Variants in NRXN3 observed in about 807,000 individuals in gnomAD.
NRXN3 encodes neurexin III.
NRXN3 carries 32 observed loss-of-function variants against 137.6 expected under a neutral mutation model. The ratio of observed to expected loss-of-function variants is 0.23; its 90% CI spans 0.18 to 0.31. NRXN3 has a LOEUF of 0.31. Among genes scored for constraint, NRXN3 ranks in the 10% least tolerant of loss-of-function variants. The pLI, the probability that NRXN3 is intolerant of heterozygous loss-of-function variation, is 1.00. For synonymous variants in NRXN3, 798 were observed against 784.5 expected, an observed-to-expected ratio of 1.02 and a Z score of -0.29; for missense variants, 1,574 against 2,062.5, an observed-to-expected ratio of 0.76 and a Z score of 4.59.
intron 19 of NRXN3, among the ~76,000 whole-genome samples, chr14:79,804,028 T>C (rs961818649): frequency 6.6e-6 from 1 of 150,904 alleles, no homozygotes; most frequent in Non-Finnish European, 1.5e-5. Flanking sequence ...TAGGACAGCA[T>C]CTGGCTTGTA....
intron 4 of NRXN3, among the ~76,000 whole-genome samples, chr14:78,459,741 G>A (rs142815566): frequency 5.3e-5 from 8 of 152,230 alleles, no homozygotes; most frequent in Non-Finnish European, 1.0e-4. Context: ...TCACTTTCTC[G>A]TACTATATAT....
chr14:78,967,651 G>A (rs190936704), intron 13 of NRXN3, among the ~76,000 whole-genome samples: 131 of 152,238 alleles, frequency 8.6e-4, no homozygotes, highest in Non-Finnish European at 1.4e-3. Flanking sequence ...GACAGGATGA[G>A]TGTCAAAGTG....
intron 19 of NRXN3, among the ~76,000 whole-genome samples, chr14:79,778,368 A>C (rs1322878539): frequency 6.6e-6 from 1 of 152,194 alleles, no homozygotes; most frequent in Non-Finnish European, 1.5e-5. Flanking sequence ...GTGAGCTGAG[A>C]TCATGCCACT....
At chr14:79,240,120 T>A (rs1048890990) in intron 15 of NRXN3, among the ~76,000 whole-genome samples, 2 of 152,184 alleles carry the variant, frequency 1.3e-5, no homozygotes, top group African/African-American at 4.8e-5. Flanking sequence ...AATCATTCTA[T>A]ACTGTACAGA....
At chr14:79,589,288 T>C (rs771596381) in intron 16 of NRXN3, among the ~76,000 whole-genome samples, 14 of 152,072 alleles carry the variant, frequency 9.2e-5, no homozygotes, top group Non-Finnish European at 1.8e-4. Flanking sequence ...TAAATCATTA[T>C]TGACTAGAGC....
chr14:79,001,737 G>C (rs1194331167), intron 15 of NRXN3, among the ~76,000 whole-genome samples: 1 of 152,222 alleles, frequency 6.6e-6, no homozygotes, highest in Non-Finnish European at 1.5e-5. Flanking sequence ...GGACCTGAGA[G>C]TAAAAGGTCA....
chr14:79,571,838 G>A (rs182390001), intron 16 of NRXN3, among the ~76,000 whole-genome samples: 9 of 152,206 alleles, frequency 5.9e-5, no homozygotes, highest in East Asian at 3.9e-4. Flanking sequence ...ATCCTTACCC[G>A]ACATGTGGAA....
At chr14:79,523,030 C>T (rs964916106) in intron 16 of NRXN3, among the ~76,000 whole-genome samples, 1 of 147,054 alleles carries the variant, frequency 6.8e-6, no homozygotes, top group Non-Finnish European at 1.5e-5. Context: ...TCTTTCCTAG[C>T]TGAATAGCAT....
intron 10 of NRXN3, among the ~76,000 whole-genome samples, chr14:78,896,481 A>G (rs1318600605): frequency 1.3e-5 from 2 of 151,876 alleles, no homozygotes; most frequent in Admixed American, 1.3e-4. Context: ...TAGTATATTC[A>G]GCTCCACAAT....
chr14:79,698,163 C>G (rs978544620), intron 19 of NRXN3, among the ~76,000 whole-genome samples: 1 of 151,982 alleles, frequency 6.6e-6, no homozygotes, highest in Non-Finnish European at 1.5e-5. Context: ...GTATTTATCA[C>G]TGAAATGGTA....
At chr14:78,893,695 A>G (rs2099165739) in intron 10 of NRXN3, among the ~76,000 whole-genome samples, 1 of 151,716 alleles carries the variant, frequency 6.6e-6, no homozygotes, top group African/African-American at 2.4e-5. Context: ...ACACATTTTT[A>G]TTTTTCTCAA....
At chr14:78,855,300 G>C (rs780136629) in intron 10 of NRXN3, among the ~76,000 whole-genome samples, 17 of 152,132 alleles carry the variant, frequency 1.1e-4, no homozygotes, top group African/African-American at 3.6e-4. Flanking sequence ...AAATGTTTAT[G>C]ACATTATTAC....
intron 10 of NRXN3, among the ~76,000 whole-genome samples, chr14:78,852,224 C>T (rs1416747284): frequency 3.3e-5 from 5 of 152,140 alleles, no homozygotes; most frequent in Admixed American, 3.3e-4. Flanking sequence ...TTTGCTTACA[C>T]ATCCATCATT....
chr14:78,279,563 G>C (rs977275237), intron 3 of NRXN3: 2 of 152,054 alleles, frequency 1.3e-5, no homozygotes, highest in African/African-American at 4.8e-5. Flanking sequence ...GCATTAATAC[G>C]AGATAAGTAT....
At chr14:79,620,820 A>G (rs911361573) in intron 16 of NRXN3, among the ~76,000 whole-genome samples, 2 of 152,178 alleles carry the variant, frequency 1.3e-5, no homozygotes, top group East Asian at 3.9e-4. Flanking sequence ...AGAACTTCTC[A>G]TGGAGGAAAT....
At chr14:78,360,112 T>C (rs562468809) in intron 4 of NRXN3, among the ~76,000 whole-genome samples, 3 of 152,312 alleles carry the variant, frequency 2.0e-5, no homozygotes, top group Non-Finnish European at 4.4e-5. Flanking sequence ...CCCAGCTTCC[T>C]GAAAGGGCTT....
chr14:79,247,727 A>G (rs1267735141), intron 15 of NRXN3, among the ~76,000 whole-genome samples: 2 of 152,036 alleles, frequency 1.3e-5, no homozygotes, highest in Non-Finnish European at 2.9e-5. Context: ...TATGTAATTT[A>G]TGAAGTTTTG....
chr14:79,453,663 C>T (rs543155280), intron 15 of NRXN3, among the ~76,000 whole-genome samples: 1 of 152,276 alleles, frequency 6.6e-6, no homozygotes, highest in African/African-American at 2.4e-5. Context: ...TCTAACCAAA[C>T]CCTTGAACAC....
chr14:78,544,612 C>T (rs975386441), intron 4 of NRXN3, among the ~76,000 whole-genome samples: 11 of 152,188 alleles, frequency 7.2e-5, no homozygotes, highest in African/African-American at 2.7e-4. Context: ...AGTTAAGGCT[C>T]ATAGAGGCTG....
Sources: gnomAD v4.1 joint callset for allele counts (sites outside exome capture counted in the v4.1 genomes callset) on GRCh38, gnomAD v4.1.1 for gene constraint, MANE v1.5 for transcripts, NCBI Gene and HGNC (gene_info 2026-07-23, HGNC 2026-07-21) for gene names.